Variants in RBFOX1 observed in about 807,000 individuals in gnomAD.
RBFOX1 encodes RNA binding protein fox-1 homolog 1.
Under a neutral mutation model 57.7 loss-of-function variants are expected in RBFOX1, and 8 were observed. The observed-to-expected ratio is 0.14, with a 90% CI of 0.08 to 0.25. The LOEUF (loss-of-function observed/expected upper bound fraction) is 0.25. RBFOX1 is among the 10% of genes least tolerant of loss of function. RBFOX1 has a pLI of 1.00. For synonymous variants in RBFOX1, 326 were observed against 222.4 expected (o/e 1.47, Z -4.15); for missense variants, 611 against 548.5 (o/e 1.11, Z -1.14).
At chr16:7,498,966 C>T (rs1600087322) in intron 4 of RBFOX1, among the ~76,000 whole-genome samples, 1 of 152,184 alleles carries the variant, frequency 6.6e-6, no homozygotes, top group East Asian at 1.9e-4. Flanking sequence ...CTAATTGTTG[C>T]ATTTCTATCA....
intron 3 of RBFOX1, among the ~76,000 whole-genome samples, chr16:6,812,942 G>A (rs772349654): frequency 2.0e-5 from 3 of 152,026 alleles, no homozygotes; most frequent in East Asian, 1.9e-4. Context: ...TTGGAGACTG[G>A]GAGAATAGGG....
chr16:6,500,560 C>G (rs1045352228), intron 2 of RBFOX1, among the ~76,000 whole-genome samples: 1 of 152,100 alleles, frequency 6.6e-6, no homozygotes, highest in Non-Finnish European at 1.5e-5. Context: ...ATTCTGAACA[C>G]AATAGAGTCC....
At chr16:6,959,541 C>T (rs916073310) in intron 3 of RBFOX1, among the ~76,000 whole-genome samples, 2 of 151,790 alleles carry the variant, frequency 1.3e-5, no homozygotes, top group Non-Finnish European at 2.9e-5. Context: ...GCATTTGGAC[C>T]CAGGTCTCAG....
At position 7,086,721 on chromosome 16, in the gene RBFOX1, TAC is replaced by T. The variant is rs71280731; in HGVS notation, c.27+34642_27+34643del. On this transcript the variant is annotated intron_variant, in intron 4 of 15. Coordinates refer to ENST00000550418, the MANE Select transcript of RBFOX1 (RefSeq NM_018723.4). ...GCAAAGAGAGGGAGGGAAGAATGTA[TAC>T]ACACACACACACACACACTTTAAAA... Among the ~76,000 whole-genome samples, 20 of 149,576 alleles carry T rather than the reference TAC, an allele frequency of 1.3e-4. No individual in the cohort carries two copies. In the Middle Eastern group the frequency reaches 0.014, roughly 102 times the overall value.
intron 3 of RBFOX1, among the ~76,000 whole-genome samples, chr16:7,010,148 G>T (rs1039587760): frequency 2.0e-5 from 3 of 152,212 alleles, no homozygotes; most frequent in African/African-American, 7.2e-5. Context: ...ATCATTCCAG[G>T]AGGGGTGAGA....
At chr16:5,394,000 G>A (rs917275725) in intron 1 of RBFOX1, among the ~76,000 whole-genome samples, 1 of 151,970 alleles carries the variant, frequency 6.6e-6, no homozygotes, top group African/African-American at 2.4e-5. Context: ...GGCTGATTTC[G>A]CTTAGCATAG....
intron 3 of RBFOX1, among the ~76,000 whole-genome samples, chr16:6,897,722 G>C (rs1392132000): frequency 1.3e-5 from 2 of 152,134 alleles, no homozygotes; most frequent in East Asian, 1.9e-4. Flanking sequence ...GAACCCGGGA[G>C]GCAGAGGTTG....
chr16:6,728,106 A>G (rs2154171058), intron 3 of RBFOX1, among the ~76,000 whole-genome samples: 1 of 152,226 alleles, frequency 6.6e-6, no homozygotes, highest in East Asian at 1.9e-4. Flanking sequence ...ACTTCAATAA[A>G]TGGTTAATAT....
intron 1 of RBFOX1, among the ~76,000 whole-genome samples, chr16:6,171,969 A>C (rs2096963781): frequency 2.0e-5 from 3 of 151,950 alleles, no homozygotes; most frequent in Non-Finnish European, 4.4e-5. Flanking sequence ...TTACAGGTGC[A>C]TGCCTCCACG....
At chr16:6,044,078 C>G (rs1434163196) in intron 1 of RBFOX1, among the ~76,000 whole-genome samples, 3 of 152,166 alleles carry the variant, frequency 2.0e-5, no homozygotes, top group Non-Finnish European at 4.4e-5. Flanking sequence ...CTTAACTAAT[C>G]CTAATTTGAG....
chr16:6,570,613 T>C (rs1479736950), intron 2 of RBFOX1, among the ~76,000 whole-genome samples: 3 of 152,226 alleles, frequency 2.0e-5, no homozygotes, highest in Non-Finnish European at 4.4e-5. Context: ...CTCTAGCTTT[T>C]TTTAACAGCA....
intron 10 of RBFOX1, among the ~76,000 whole-genome samples, chr16:7,609,175 C>T (rs981431317): frequency 1.3e-5 from 2 of 152,192 alleles, no homozygotes; most frequent in Non-Finnish European, 2.9e-5. Flanking sequence ...CCTATATGCA[C>T]ATATCTGAGT....
At chr16:6,549,552 T>TGGGAGGAGGAGGAG (rs1567644328) in intron 2 of RBFOX1, among the ~76,000 whole-genome samples, 29 of 36,726 alleles carry the variant, frequency 7.9e-4, no homozygotes, top group Non-Finnish European at 1.4e-3. Context: ...AGGAGGAGGA[T>TGGGAGGAGGAGGAG]GGGAGGAGGG....
At chr16:7,326,297 T>G (rs1048881539) in intron 4 of RBFOX1, among the ~76,000 whole-genome samples, 1 of 152,168 alleles carries the variant, frequency 6.6e-6, no homozygotes, top group Non-Finnish European at 1.5e-5. Flanking sequence ...TGTTTCAGAA[T>G]CTCAGCCCCA....
chr16:6,160,960 T>C (rs182322158), intron 1 of RBFOX1, among the ~76,000 whole-genome samples: 7 of 152,340 alleles, frequency 4.6e-5, no homozygotes, highest in Admixed American at 4.6e-4. Context: ...CCTTGTTCAT[T>C]TGTGTTCTAT....
At chr16:6,578,104 C>G (rs1007792483) in intron 2 of RBFOX1, among the ~76,000 whole-genome samples, 2 of 152,194 alleles carry the variant, frequency 1.3e-5, no homozygotes, top group African/African-American at 4.8e-5. Context: ...AAGCATCTTG[C>G]AGTTCAGAGC....
chr16:7,710,440 A>C, intron 15 of RBFOX1, 183 bp from the exon 16 acceptor site: 1 of 1,417,890 alleles, frequency 7.1e-7, no homozygotes, highest in South Asian at 1.7e-5. Context: ...CTTTAGGAGG[A>C]GCTATTGGGG....
chr16:7,422,924 C>A (rs1307416296), intron 4 of RBFOX1: 1 of 152,342 alleles, frequency 6.6e-6, no homozygotes, highest in Non-Finnish European at 1.5e-5. Flanking sequence ...CTCCACCCCT[C>A]CTTTTCCCTC....
At chr16:7,598,422 T>C (rs970053022) in intron 9 of RBFOX1, among the ~76,000 whole-genome samples, 13 of 152,318 alleles carry the variant, frequency 8.5e-5, no homozygotes, top group African/African-American at 2.4e-4. Flanking sequence ...AATATAACTT[T>C]ATTACATCAA....
Sources: allele counts gnomAD v4.1 joint callset (sites outside exome capture counted in the v4.1 genomes callset), GRCh38; gene constraint gnomAD v4.1.1; transcripts MANE v1.5; gene names NCBI Gene and HGNC (gene_info 2026-07-23, HGNC 2026-07-21).